Variants in NKAIN2 observed in about 807,000 individuals in gnomAD.
The protein encoded by NKAIN2 is sodium/potassium-transporting ATPase subunit beta-1-interacting protein 2.
Under a neutral mutation model 32.6 loss-of-function variants are expected in NKAIN2, and 14 were observed. The ratio of observed to expected loss-of-function variants is 0.43; its 90% CI spans 0.28 to 0.67. NKAIN2 has a LOEUF of 0.67. NKAIN2 is among the 30% of genes least tolerant of loss of function. The pLI is 0.17. For synonymous variants in NKAIN2, 80 were observed against 87.2 expected (o/e 0.92, Z 0.46); for missense variants, 198 against 258.3 (o/e 0.77, Z 1.60).
chr6:124,273,747 T>A (rs1287282941), intron 1 of NKAIN2, among the ~76,000 whole-genome samples: 1 of 152,196 alleles, frequency 6.6e-6, no homozygotes, highest in African/African-American at 2.4e-5. Context: ...ACATTAGGTA[T>A]TTTTTTCTGT....
At chr6:124,356,270 A>G (rs547204509) in intron 3 of NKAIN2, among the ~76,000 whole-genome samples, 1 of 152,214 alleles carries the variant, frequency 6.6e-6, no homozygotes, top group South Asian at 2.1e-4. Flanking sequence ...TTGTCAAGCT[A>G]TATATTTTGG....
chr6:124,358,303 G>C (rs1486754616), intron 3 of NKAIN2, among the ~76,000 whole-genome samples: 5 of 152,054 alleles, frequency 3.3e-5, no homozygotes, highest in African/African-American at 1.2e-4. Context: ...TAATAGAATG[G>C]CTGGGTCAAA....
rs1360320697 is a variant in NKAIN2 at position 124,548,997 on chromosome 6, G to A, written c.274-109189G>A. Reference sequence around the variant, plus strand: ...TGGTGTGGAAAATGGAAGGTGAGGAGCTGGAGTCAGAAACCACAGACAACT... The same window carrying A: ...TGGTGTGGAAAATGGAAGGTGAGGAACTGGAGTCAGAAACCACAGACAACT... On this transcript the variant is annotated intron_variant, in intron 3 of 6. Coordinates refer to ENST00000368417, the MANE Select transcript of NKAIN2 (RefSeq NM_001040214.3). Among the ~76,000 whole-genome samples the A allele has an allele frequency of 5.9e-5, 9 of 152,244 alleles. No individual in the cohort carries two copies. In the East Asian group the frequency reaches 1.5e-3, roughly 26 times the overall value.
At chr6:124,120,540 T>C (rs1785829927) in intron 1 of NKAIN2, among the ~76,000 whole-genome samples, 1 of 152,140 alleles carries the variant, frequency 6.6e-6, no homozygotes, top group Non-Finnish European at 1.5e-5. Context: ...AAAAATGAGG[T>C]AGAGTGAAGC....
At chr6:123,866,875 A>G (rs1342762956) in intron 1 of NKAIN2, among the ~76,000 whole-genome samples, 1 of 152,110 alleles carries the variant, frequency 6.6e-6, no homozygotes, top group Non-Finnish European at 1.5e-5. Context: ...CTCTTTCCTC[A>G]GAAACCCCAT....
intron 1 of NKAIN2, among the ~76,000 whole-genome samples, chr6:123,888,252 C>G (rs1437197945): frequency 2.6e-5 from 4 of 152,086 alleles, no homozygotes; most frequent in Non-Finnish European, 5.9e-5. Context: ...CACCATATCA[C>G]ATGAGTTCTA....
chr6:124,729,084 A>C (rs1157405994), intron 4 of NKAIN2, among the ~76,000 whole-genome samples: 1 of 152,174 alleles, frequency 6.6e-6, no homozygotes, highest in Non-Finnish European at 1.5e-5. Flanking sequence ...CCAACCAAAA[A>C]GAGTCCAGGA....
intron 4 of NKAIN2, among the ~76,000 whole-genome samples, chr6:124,679,130 G>T (rs989901330): frequency 6.6e-5 from 10 of 152,090 alleles, no homozygotes; most frequent in Non-Finnish European, 1.3e-4. Flanking sequence ...AGAGAAGCCA[G>T]TCCCTGGACA....
chr6:124,507,889 AG>A (rs1778549767), intron 3 of NKAIN2, among the ~76,000 whole-genome samples: 1 of 152,166 alleles, frequency 6.6e-6, no homozygotes, highest in Non-Finnish European at 1.5e-5. Flanking sequence ...CTACAATATA[AG>A]TGATAATTTA....
chr6:124,288,878 T>C (rs1795679313), intron 2 of NKAIN2, among the ~76,000 whole-genome samples: 1 of 152,202 alleles, frequency 6.6e-6, no homozygotes, highest in African/African-American at 2.4e-5. Context: ...CATATCATTA[T>C]GCCTAATGAA....
At chr6:124,234,588 A>G (rs559755509) in intron 1 of NKAIN2, among the ~76,000 whole-genome samples, 1 of 152,256 alleles carries the variant, frequency 6.6e-6, no homozygotes, top group African/African-American at 2.4e-5. Context: ...ACCATACTAT[A>G]TAGGATTTAA....
intron 1 of NKAIN2, among the ~76,000 whole-genome samples, chr6:124,220,960 A>C (rs1791781417): frequency 1.3e-5 from 2 of 152,176 alleles, no homozygotes; most frequent in African/African-American, 4.8e-5. Context: ...TGAGAAACTA[A>C]AGCAGTTAAC....
At chr6:124,472,628 A>G (rs1449207259) in intron 3 of NKAIN2, among the ~76,000 whole-genome samples, 1 of 151,976 alleles carries the variant, frequency 6.6e-6, no homozygotes, top group Non-Finnish European at 1.5e-5. Flanking sequence ...ATAAACAATG[A>G]TACACGCTTG....
At chr6:124,552,220 G>A (rs1045924880) in intron 3 of NKAIN2, among the ~76,000 whole-genome samples, 4 of 152,092 alleles carry the variant, frequency 2.6e-5, no homozygotes, top group South Asian at 2.1e-4. Flanking sequence ...CAACTAAATT[G>A]TATACAAACA....
intron 1 of NKAIN2, among the ~76,000 whole-genome samples, chr6:123,867,654 C>T (rs1462306830): frequency 2.0e-5 from 3 of 152,188 alleles, no homozygotes; most frequent in Non-Finnish European, 4.4e-5. Flanking sequence ...AAATGTGTGT[C>T]TTTGCATAAA....
intron 1 of NKAIN2, among the ~76,000 whole-genome samples, chr6:123,841,374 T>C (rs1774862046): frequency 6.6e-6 from 1 of 152,134 alleles, no homozygotes; most frequent in African/African-American, 2.4e-5. Context: ...GATGTCAGAG[T>C]ATAGTATATG....
chr6:123,901,959 T>C (rs1385024501), intron 1 of NKAIN2, among the ~76,000 whole-genome samples: 1 of 152,186 alleles, frequency 6.6e-6, no homozygotes, highest in African/African-American at 2.4e-5. Context: ...AATATGGTGC[T>C]AGTTATGTAA....
intron 3 of NKAIN2, among the ~76,000 whole-genome samples, chr6:124,627,042 G>T (rs926299811): frequency 1.3e-5 from 2 of 152,124 alleles, no homozygotes; most frequent in Non-Finnish European, 2.9e-5. Context: ...GGACAAGGTG[G>T]GTGGATAACT....
chr6:124,126,589 AC>A (rs1786177808), intron 1 of NKAIN2, among the ~76,000 whole-genome samples: 1 of 23,184 alleles, frequency 4.3e-5, no homozygotes, highest in Admixed American at 4.4e-4. Flanking sequence ...ACTGGAGGAC[AC>A]TGATTTAGCC....
Sources: allele counts gnomAD v4.1 joint callset (sites outside exome capture counted in the v4.1 genomes callset), GRCh38; gene constraint gnomAD v4.1.1; transcripts MANE v1.5; gene names NCBI Gene and HGNC (gene_info 2026-07-23, HGNC 2026-07-21).